SCHIP1: variants seen among roughly 807,000 people sequenced by gnomAD.
SCHIP1 encodes schwannomin-interacting protein 1.
In SCHIP1, 8 loss-of-function variants were observed where a neutral mutation model predicts 29.7. That is an observed-to-expected ratio of 0.27 (90% CI 0.16 to 0.49). The LOEUF is 0.49. Among genes scored for constraint, SCHIP1 ranks in the 20% least tolerant of loss-of-function variants. SCHIP1 has a pLI of 0.99. For missense variants in SCHIP1, 193 were observed against 294.6 expected, an observed-to-expected ratio of 0.66 and a Z score of 2.52; for synonymous variants, 76 against 94.9, an observed-to-expected ratio of 0.80 and a Z score of 1.16.
At chr3:159,307,078 T>C in the SCHIP1 span, among the ~76,000 whole-genome samples, 9 of 152,258 alleles carry the variant, frequency 5.9e-5, no homozygotes, top group African/African-American at 1.9e-4. Context: ...GAGATATACA[T>C]AAATATCCAA....
At chr3:159,320,340 T>C in the SCHIP1 span, among the ~76,000 whole-genome samples, 3 of 152,100 alleles carry the variant, frequency 2.0e-5, no homozygotes, top group Non-Finnish European at 2.9e-5. Flanking sequence ...CAGCTGTCTG[T>C]AGCCCAGAAG....
chr3:159,375,791 T>C, the SCHIP1 span: 1 of 889,016 alleles, frequency 1.1e-6, no homozygotes, highest in Non-Finnish European at 1.3e-6. Flanking sequence ...TAGGATGGGT[T>C]TTTGGAGTTG....
the SCHIP1 span, among the ~76,000 whole-genome samples, chr3:159,276,886 G>A: frequency 1.3e-5 from 2 of 152,292 alleles, no homozygotes; most frequent in Non-Finnish European, 2.9e-5. Flanking sequence ...CATCCAGGCA[G>A]CCAGTCCTAG....
At chr3:159,839,057 T>C (rs925814881), upstream of SCHIP1, among the ~76,000 whole-genome samples, 4 of 152,196 alleles carry the variant, frequency 2.6e-5, no homozygotes, top group Admixed American at 6.5e-5. Flanking sequence ...TTTCTTTTTG[T>C]GTATCCTCAA....
At chr3:159,660,914 TATCCATCC>T in the SCHIP1 span, among the ~76,000 whole-genome samples, 1 of 152,146 alleles carries the variant, frequency 6.6e-6, no homozygotes, top group Non-Finnish European at 1.5e-5. Context: ...TCCATCTATC[TATCCATCC>T]ATCCACCCAT....
chr3:159,473,523 C>T, the SCHIP1 span, among the ~76,000 whole-genome samples: 1 of 151,472 alleles, frequency 6.6e-6, no homozygotes, highest in Non-Finnish European at 1.5e-5. Context: ...GAAAATATAT[C>T]CTTTGGGAAA....
the SCHIP1 span, among the ~76,000 whole-genome samples, chr3:159,438,588 A>G: frequency 6.6e-6 from 1 of 152,112 alleles, no homozygotes; most frequent in Non-Finnish European, 1.5e-5. Flanking sequence ...CCCATCACCC[A>G]GGTATTAAGC....
At chr3:159,526,848 T>G in the SCHIP1 span, among the ~76,000 whole-genome samples, 1 of 152,254 alleles carries the variant, frequency 6.6e-6, no homozygotes, top group African/African-American at 2.4e-5. Context: ...CTTTCCCTGC[T>G]GACACTGCTG....
chr3:159,507,513 A>T, the SCHIP1 span, among the ~76,000 whole-genome samples: 309 of 152,128 alleles, frequency 2.0e-3, 3 homozygotes, highest in African/African-American at 7.1e-3. Flanking sequence ...GTTGAATAGG[A>T]GTGGTGAGAG....
chr3:159,514,469 A>T, the SCHIP1 span, among the ~76,000 whole-genome samples: 1 of 152,242 alleles, frequency 6.6e-6, no homozygotes, highest in Non-Finnish European at 1.5e-5. Flanking sequence ...TTCGTCCTTC[A>T]TGAACACAGT....
the SCHIP1 span, among the ~76,000 whole-genome samples, chr3:159,440,157 G>T: frequency 2.6e-5 from 4 of 152,110 alleles, no homozygotes; most frequent in Admixed American, 2.6e-4. Context: ...ATTAAACAGG[G>T]AATCCTTTTC....
chr3:159,771,699 T>G, the SCHIP1 span, among the ~76,000 whole-genome samples: 4 of 151,950 alleles, frequency 2.6e-5, no homozygotes, highest in Non-Finnish European at 5.9e-5. Context: ...GTTGTTTTTT[T>G]TTTTTTTTAA....
chr3:159,580,681 G>A, the SCHIP1 span, among the ~76,000 whole-genome samples: 1 of 152,186 alleles, frequency 6.6e-6, no homozygotes, highest in African/African-American at 2.4e-5. Context: ...TCAGAAGACA[G>A]TACGTACCCT....
upstream of SCHIP1, among the ~76,000 whole-genome samples, chr3:159,836,495 G>A (rs1560075226): frequency 6.6e-6 from 1 of 152,166 alleles, no homozygotes; most frequent in Non-Finnish European, 1.5e-5. Context: ...GACCATAGGA[G>A]CATTGTTTTC....
the SCHIP1 span, among the ~76,000 whole-genome samples, chr3:159,390,324 A>G: frequency 1.3e-5 from 2 of 152,098 alleles, no homozygotes; most frequent in African/African-American, 4.8e-5. Context: ...ATTTAAAATC[A>G]AAATGGATTT....
At chr3:159,471,521 A>G in the SCHIP1 span, among the ~76,000 whole-genome samples, 1 of 152,148 alleles carries the variant, frequency 6.6e-6, no homozygotes, top group Admixed American at 6.6e-5. Context: ...CCAGGACTCT[A>G]ATAAATTTAG....
chr3:159,518,750 C>T, the SCHIP1 span, among the ~76,000 whole-genome samples: 1 of 152,054 alleles, frequency 6.6e-6, no homozygotes, highest in African/African-American at 2.4e-5. Context: ...GTATTCTCAT[C>T]TTTAGACTTT....
exon 7 of SCHIP1, chr3:159,896,850 T>C: frequency 2.7e-6 from 4 of 1,464,558 alleles, no homozygotes; most frequent in Non-Finnish European, 3.7e-6. Flanking sequence ...TTGCTAAAGG[T>C]GGCGCAGAAA....
At chr3:159,817,563 T>A in the SCHIP1 span, among the ~76,000 whole-genome samples, 2 of 147,574 alleles carry the variant, frequency 1.4e-5, no homozygotes, top group African/African-American at 5.3e-5. Flanking sequence ...CTTTGGCTTG[T>A]TTTTCTTCAT....
Sources: gnomAD v4.1 joint callset for allele counts (sites outside exome capture counted in the v4.1 genomes callset) on GRCh38, gnomAD v4.1.1 for gene constraint, MANE v1.5 for transcripts, NCBI Gene and HGNC (gene_info 2026-07-23, HGNC 2026-07-21) for gene names.